The following TAOK2 variants were observed in gnomAD, a reference collection of about 807,000 sequenced individuals.
The protein encoded by TAOK2 is TAO kinase 2, also known as serine/threonine-protein kinase TAO2.
In TAOK2, 42 loss-of-function variants were observed where a neutral mutation model predicts 122.5. The observed-to-expected ratio is 0.34, with a 90% CI of 0.27 to 0.44. The LOEUF (loss-of-function observed/expected upper bound fraction) is 0.44. Among genes scored for constraint, TAOK2 ranks in the 20% least tolerant of loss-of-function variants. The probability of loss-of-function intolerance (pLI) is 1.00; values close to 1 mark genes in which losing one functional copy is unlikely to be tolerated. For missense variants in TAOK2, 1,264 were observed against 1,644.9 expected, an observed-to-expected ratio of 0.77 and a Z score of 4.01; for synonymous variants, 704 against 677.6, an observed-to-expected ratio of 1.04 and a Z score of -0.61.
Position 29,988,266 on chromosome 16 carries a change from T to C in TAOK2, c.*286T>C. 1.4e-6 allele frequency: 2 copies of C among 1,470,040 alleles called. No individual in the cohort carries two copies. Among genetic ancestry groups the C allele is most frequent in the Non-Finnish European group, 1.8e-6 (2 of 1,113,974 alleles). 91.1% of individuals were successfully genotyped at this position (1,470,040 alleles called of 1,614,324 possible). On this transcript the variant is annotated 3_prime_UTR_variant, in exon 16 of 16. Coordinates refer to ENST00000308893, the MANE Select transcript of TAOK2 (RefSeq NM_016151.4). ...GACTCAGGCCTGGGGCCAGGGGTGG[T>C]GGAGGGTGGGAAGAGTCATGTTTTT...
At chr16:29,990,642 C>T (rs2069943949), downstream of TAOK2, 2 of 737,492 alleles carry the variant, frequency 2.7e-6, no homozygotes, top group Non-Finnish European at 4.1e-6. Context: ...ATTGCTGTGC[C>T]ACAGGGTATG....
downstream of TAOK2, chr16:29,991,247 C>T (rs2069961113): frequency 6.2e-7 from 1 of 1,611,986 alleles, no homozygotes; most frequent in South Asian, 1.1e-5. The surrounding 1 kb of genome is among the most constrained non-coding windows in gnomAD (Gnocchi z 5.6). Flanking sequence ...CCTGGCCCTC[C>T]CGTCCCGTTC....
Position 29,986,913 on chromosome 16 carries a change from C to G in TAOK2, c.2641C>G (p.Leu881Val), listed in dbSNP as rs749790271. The change falls in exon 16 of 16, where the codon CTG becomes GTG. Residue 881 changes from leucine (L) to valine (V), a missense_variant. Physicochemically the swap from Leu to Val is conservative, Grantham distance 32 (BLOSUM62 1). Around this residue, in one of 4 missense-constraint regions of TAOK2, gnomAD observed 824 missense variants for 908.7 expected, o/e 0.91. Transcript: ENST00000308893. The surrounding 1 kb of genome is among the most constrained non-coding windows in gnomAD (Gnocchi z 4.2). ...GTGGGGGAAGGAGGATGAGAGTCTTCTGGATGAGGAGTTTGAGCTTGGCTG... is the reference window on the plus strand; with the variant it reads ...GTGGGGGAAGGAGGATGAGAGTCTTGTGGATGAGGAGTTTGAGCTTGGCTG... ...SLWGKEDESL[L>V]DEEFELGWVQ... The G allele has an allele frequency of 1.2e-6, 2 of 1,613,650 alleles. No individual in the cohort carries two copies. The highest frequency in any genetic ancestry group is 1.3e-5 in the African/African-American group (1 of 75,012).
In TAOK2 at chr16:29,983,630, G is replaced by A. The variant is rs139763660; in HGVS notation, c.1388G>A (p.Arg463Gln). The A allele has an allele frequency of 1.5e-5, 24 of 1,613,160 alleles. No homozygotes were observed. The highest frequency in any genetic ancestry group is 2.2e-5 in the East Asian group (1 of 44,878). ...SARRRAYCRN[R>Q]DHFATIRTAS... ...CGCCGCCGGGCCTACTGCCGTAACC[G>A]AGACCACTTTGCCACCATCCGAACC... Residue 463 changes from arginine to glutamine, a missense_variant, in exon 13 of 16, where the codon CGA (arginine) becomes CAA (glutamine). By Grantham distance (43) the Arg-to-Gln change is conservative. This residue lies in a region of TAOK2 where 122 missense variants were observed against 116.7 expected (regional missense o/e 1.04). Transcript: ENST00000308893.
In TAOK2 at chr16:29,979,020, C is replaced by T. The variant is rs375813642; in HGVS notation, c.399C>T (p.His133=). 10 of 1,614,000 alleles carry T rather than the reference C, an allele frequency of 6.2e-6. No homozygotes were observed. Among genetic ancestry groups the T allele is most frequent in the African/African-American group, 1.3e-5 (1 of 74,884 alleles). ...LQEVEIAAVT[H]GALQGLAYLH... ...AGGTAGAGATCGCAGCTGTGACCCACGGGGCGCTTCAGGGCCTGGCATATC... is the reference window on the plus strand; with the variant it reads ...AGGTAGAGATCGCAGCTGTGACCCATGGGGCGCTTCAGGGCCTGGCATATC... The change falls in exon 6 of 16, where the codon CAC becomes CAT. Residue 133 remains histidine, a synonymous_variant. Transcript: ENST00000308893. This position sits in a 1 kb window ranked among gnomAD's most constrained non-coding sequence, Gnocchi z 4.1.
In TAOK2 at chr16:29,982,530, T is replaced by C. The variant is rs150101421; in HGVS notation, c.832-204T>C. Among the ~76,000 whole-genome samples, 332 of 152,256 alleles carry C rather than the reference T, an allele frequency of 2.2e-3. 4 individuals are homozygous for C. The East Asian group carries it at 0.03, about 14-fold the overall frequency. ...CCTGACTGTCCCTGCCTGTCAGCCA[T>C]GCTTAGAGGAAGAAGAGTCTGTCTG... On this transcript the variant is annotated intron_variant, in intron 10 of 15. Transcript: ENST00000308893.
chr16:29,985,128 C>T lies in TAOK2; in HGVS notation c.1423-85C>T. On this transcript the variant is annotated intron_variant, in intron 13 of 15. Coordinates refer to ENST00000308893, the MANE Select transcript of TAOK2 (RefSeq NM_016151.4). This position sits in a 1 kb window ranked among gnomAD's most constrained non-coding sequence, Gnocchi z 6.9. ...GAATGAAACCCATGAGTTGAAAACC[C>T]ATGCTCTTCCCCACGGAAGACCCCT... is the stretch of plus-strand genomic sequence containing the variant. 1 of 1,422,872 alleles carries T rather than the reference C, an allele frequency of 7.0e-7. No individual in the cohort carries two copies. Among genetic ancestry groups the T allele is most frequent in the Non-Finnish European group, 9.2e-7 (1 of 1,086,268 alleles). The allele number at this position is 1,422,872 out of a possible 1,614,324, so 88.1% of individuals were successfully genotyped here.
At chr16:29,982,546 AGTCT>A (rs1180299843) in intron 10 of TAOK2, among the ~76,000 whole-genome samples, 184 bp from the exon 11 acceptor site, 5 of 150,746 alleles carry the variant, frequency 3.3e-5, no homozygotes, top group East Asian at 2.0e-4. Flanking sequence ...GAGGAAGAAG[AGTCT>A]GTCTGGGGAG....
In TAOK2 at chr16:29,986,160, C is replaced by T; in HGVS notation, c.1993-105C>T. 1 of 1,457,886 alleles carries T rather than the reference C, an allele frequency of 6.9e-7. No homozygotes were observed. The highest frequency in any genetic ancestry group is 1.4e-5 in the African/African-American group (1 of 70,390). The allele number at this position is 1,457,886 out of a possible 1,614,324, so 90.3% of individuals were successfully genotyped here. On this transcript the variant is annotated intron_variant, in intron 15 of 15. Coordinates refer to ENST00000308893, the MANE Select transcript of TAOK2 (RefSeq NM_016151.4). This position sits in a 1 kb window ranked among gnomAD's most constrained non-coding sequence, Gnocchi z 4.2. ...TCCTTGATACTGACCAGGCCCTGGGCCCTGTGTTTCTTCCGCCATCCCCAG... is the reference window on the plus strand; with the variant it reads ...TCCTTGATACTGACCAGGCCCTGGGTCCTGTGTTTCTTCCGCCATCCCCAG...
At chr16:29,991,371 C>T (rs780284430), downstream of TAOK2, 1 of 1,587,914 alleles carries the variant, frequency 6.3e-7, no homozygotes, top group Admixed American at 1.8e-5. This position sits in a 1 kb window ranked among gnomAD's most constrained non-coding sequence, Gnocchi z 5.6. Context: ...GCTGGGGCCC[C>T]CCACACAAAG....
chr16:29,979,456 G>A lies in TAOK2; in HGVS notation c.603G>A (p.Gln201=). ...TGATCCTGGCCATGGATGAGGGGCA[G>A]TACGATGGCAAAGTGGACGTCTGGT... The part of the protein sequence containing the change: ...PEVILAMDEG[Q]YDGKVDVWSL... The change falls in exon 8 of 16, where the codon CAG becomes CAA. Residue 201 remains glutamine (Q), a synonymous_variant. Coordinates refer to ENST00000308893, the MANE Select transcript of TAOK2 (RefSeq NM_016151.4). This position sits in a 1 kb window ranked among gnomAD's most constrained non-coding sequence, Gnocchi z 4.1. 6.3e-7 allele frequency: 1 copy of A among 1,577,670 alleles called. No individual in the cohort carries two copies. Among genetic ancestry groups the A allele is most frequent in the Non-Finnish European group, 8.6e-7 (1 of 1,159,850 alleles).
intron 1 of TAOK2, among the ~76,000 whole-genome samples, chr16:29,976,806 TCTC>T (rs375389502): frequency 3.3e-4 from 51 of 152,330 alleles, no homozygotes; most frequent in African/African-American, 1.1e-3. Flanking sequence ...TCCTTTTTCT[TCTC>T]TGTGCCTCAG....
Position 29,986,805 on chromosome 16 carries a change from G to A in TAOK2, c.2533G>A (p.Glu845Lys). 1 of 1,613,946 alleles carries A rather than the reference G, an allele frequency of 6.2e-7. No individual in the cohort carries two copies. The highest frequency in any genetic ancestry group is 8.5e-7 in the Non-Finnish European group (1 of 1,179,898). The change falls in exon 16 of 16, where the codon GAG (glutamate) becomes AAG (lysine). Residue 845 changes from glutamate to lysine, a missense_variant. Physicochemically the swap from Glu to Lys is moderately conservative, Grantham distance 56 (BLOSUM62 1). Coordinates refer to ENST00000308893, the MANE Select transcript of TAOK2 (RefSeq NM_016151.4). This position sits in a 1 kb window ranked among gnomAD's most constrained non-coding sequence, Gnocchi z 4.2. ...VDEEVWGLPE[E>K]IEELRVPSLV... is the part of the protein sequence containing the mutation. ...TGAGGAAGTTTGGGGTCTGCCTGAG[G>A]AGATAGAGGAGCTTAGGGTGCCCTC...
At position 29,986,773 on chromosome 16, in the gene TAOK2, T is replaced by C; in HGVS notation, c.2501T>C (p.Leu834Pro). 6.2e-7 allele frequency: 1 copy of C among 1,613,742 alleles called. No homozygotes were observed. The highest frequency in any genetic ancestry group is 8.5e-7 in the Non-Finnish European group (1 of 1,179,862). Reference sequence around the variant, plus strand: ...CCCAGTCCACAAAAACATGGGAGCCTGGTTGATGAGGAAGTTTGGGGTCTG... The same window carrying C: ...CCCAGTCCACAAAAACATGGGAGCCCGGTTGATGAGGAAGTTTGGGGTCTG... ...PSPSPQKHGSLVDEEVWGLPE... is the reference protein window; with the variant it reads ...PSPSPQKHGSPVDEEVWGLPE... The change falls in exon 16 of 16, where the codon CTG becomes CCG. Residue 834 changes from leucine to proline, a missense_variant. Leu to Pro is a moderately conservative substitution (Grantham distance 98, BLOSUM62 -3). Transcript: ENST00000308893. This position sits in a 1 kb window ranked among gnomAD's most constrained non-coding sequence, Gnocchi z 4.2.
chr16:29,978,138 A>G lies in TAOK2; in HGVS notation c.182A>G (p.Tyr61Cys). Residue 61 changes from tyrosine to cysteine, a missense_variant, in exon 3 of 16, where the codon TAC becomes TGC. Coordinates refer to ENST00000308893, the MANE Select transcript of TAOK2 (RefSeq NM_016151.4). The stretch of plus-strand genomic sequence containing the variant: ...GTGGTGGCCATCAAGAAGATGTCCT[A>G]CAGTGGGAAGCAGTCCAATGAGGTG... The part of the protein sequence containing the change: ...SEVVAIKKMS[Y>C]SGKQSNEKWQ... The G allele has an allele frequency of 2.5e-6, 4 of 1,614,074 alleles. No homozygotes were observed. The highest frequency in any genetic ancestry group is 2.5e-6 in the Non-Finnish European group (3 of 1,179,996).
intron 13 of TAOK2, 128 bp downstream of exon 13, chr16:29,983,792 T>C: frequency 7.3e-7 from 1 of 1,362,236 alleles, no homozygotes; most frequent in Non-Finnish European, 1.0e-6. Context: ...TGTTGCTGGC[T>C]CCTGCCTGCT....
chr16:29,989,742 C>T, downstream of TAOK2: 1 of 1,613,976 alleles, frequency 6.2e-7, no homozygotes, highest in East Asian at 2.2e-5. Context: ...AGCAGACCCG[C>T]AAGCTGGCGA....
At chr16:29,988,520 C>T, downstream of TAOK2, 8 of 1,178,892 alleles carry the variant, frequency 6.8e-6, no homozygotes, top group Non-Finnish European at 8.5e-6. Flanking sequence ...TCTCAGCCCC[C>T]TCACTCCTCC....
Position 29,987,531 on chromosome 16 carries a change from C to A in TAOK2, c.3259C>A (p.Arg1087=). 1.2e-6 allele frequency: 2 copies of A among 1,610,910 alleles called. No homozygotes were observed. Among genetic ancestry groups the A allele is most frequent in the Non-Finnish European group, 1.7e-6 (2 of 1,178,138 alleles). The change falls in exon 16 of 16, where the codon CGG becomes AGG. Residue 1087 remains arginine, a synonymous_variant. Transcript: ENST00000308893. The stretch of plus-strand genomic sequence containing the variant: ...CCGGGGCATATCTCGACTCTGGTTG[C>A]GGGTTCTGCTGCGCCTGTCACCCAT... ...VRRGISRLWL[R]VLLRLSPMAF... is the part of the protein sequence containing the mutation.
Sources: gnomAD v4.1 joint callset for allele counts (sites outside exome capture counted in the v4.1 genomes callset) on GRCh38, gnomAD v4.1.1 for gene constraint, gnomAD v4.1.1 regional missense constraint, Gnocchi (gnomAD v3.1) non-coding constraint, MANE v1.5 for transcripts, NCBI Gene and HGNC (gene_info 2026-07-23, HGNC 2026-07-21) for gene names.